Variants in AGBL4 observed in about 807,000 individuals in gnomAD.
AGBL4 encodes cytosolic carboxypeptidase 6.
Under a neutral mutation model 66.4 loss-of-function variants are expected in AGBL4, and 58 were observed. The ratio of observed to expected loss-of-function variants is 0.87; its 90% CI spans 0.71 to 1.09. The LOEUF (loss-of-function observed/expected upper bound fraction) is 1.09. Among genes scored for constraint, AGBL4 ranks in the 50% least tolerant of loss-of-function variants. The pLI, the probability that AGBL4 is intolerant of heterozygous loss-of-function variation, is 0.00. For missense variants in AGBL4, 579 were observed against 631.0 expected (o/e 0.92, Z 0.88); for synonymous variants, 234 against 222.9 (o/e 1.05, Z -0.44).
At chr1:48,858,413 A>G (rs1647235171) in intron 6 of AGBL4, among the ~76,000 whole-genome samples, 1 of 152,240 alleles carries the variant, frequency 6.6e-6, no homozygotes, top group South Asian at 2.1e-4. Flanking sequence ...AAAATCCCCA[A>G]ATGGAAACAT....
chr1:48,566,728 C>T (rs963336508), intron 11 of AGBL4, among the ~76,000 whole-genome samples: 1 of 152,234 alleles, frequency 6.6e-6, no homozygotes, highest in African/African-American at 2.4e-5. Context: ...TAAGACTGAC[C>T]TCTCTTGAGC....
intron 4 of AGBL4, among the ~76,000 whole-genome samples, chr1:49,056,053 T>C (rs1644302779): frequency 1.3e-5 from 2 of 152,182 alleles, no homozygotes; most frequent in Admixed American, 1.3e-4. Flanking sequence ...TCTGGGCTTC[T>C]AAAAGTGCTC....
chr1:48,867,937 G>T (rs866140639), intron 5 of AGBL4, among the ~76,000 whole-genome samples: 17 of 152,126 alleles, frequency 1.1e-4, no homozygotes, highest in African/African-American at 7.2e-5. Context: ...ATCTCAAAAG[G>T]CCTGTTCCCT....
chr1:49,045,645 A>G lies in AGBL4; in HGVS notation c.533T>C (p.Leu178Pro). The G allele has an allele frequency of 6.3e-7, 1 of 1,598,130 alleles. No individual in the cohort carries two copies. The highest frequency in any genetic ancestry group is 1.1e-5 in the South Asian group (1 of 88,010). The change falls in exon 5 of 14, where the codon CTT becomes CCT. Residue 178 changes from leucine (L) to proline (P), a missense_variant. By Grantham distance (98) the Leu-to-Pro change is moderately conservative. Coordinates refer to ENST00000371839, the MANE Select transcript of AGBL4 (RefSeq NM_032785.4). Reference sequence around the variant, plus strand: ...CATGTTTCTCTTTTGCAGGCTGTCAAGGTAATGTTGGAAGCGAGTGTATGT... The same window carrying G: ...CATGTTTCTCTTTTGCAGGCTGTCAGGGTAATGTTGGAAGCGAGTGTATGT... ...PYTYTRFQHY[L>P]DSLQKRNMDY...
At chr1:49,008,220 T>C (rs1310991085) in intron 5 of AGBL4, among the ~76,000 whole-genome samples, 2 of 151,782 alleles carry the variant, frequency 1.3e-5, no homozygotes, top group Non-Finnish European at 2.9e-5. Context: ...AGGCAGGGGT[T>C]GCAATCCTAG....
intron 3 of AGBL4, among the ~76,000 whole-genome samples, chr1:49,603,970 ACACACACACAC>A (rs1645017267): frequency 2.8e-5 from 4 of 143,456 alleles, no homozygotes; most frequent in Admixed American, 2.1e-4. Flanking sequence ...ACACACACAC[ACACACACACAC>A]CACATTTTAG....
intron 1 of AGBL4, among the ~76,000 whole-genome samples, chr1:50,012,165 C>CA (rs34501869): frequency 0.024 from 1,140 of 46,582 alleles, 20 homozygotes; most frequent in East Asian, 0.051. Context: ...GACTCCGTCT[C>CA]AAAAAAAAAA....
intron 1 of AGBL4, among the ~76,000 whole-genome samples, chr1:49,884,393 T>A (rs1432352845): frequency 6.6e-6 from 1 of 151,892 alleles, no homozygotes; most frequent in African/African-American, 2.4e-5. Flanking sequence ...TTATCATTAC[T>A]ATTATTAAGA....
intron 3 of AGBL4, among the ~76,000 whole-genome samples, chr1:49,593,379 C>T (rs1012350293): frequency 2.6e-5 from 4 of 152,054 alleles, no homozygotes; most frequent in Non-Finnish European, 4.4e-5. Context: ...TGCACTCCAG[C>T]CTGGGTGACA....
chr1:48,590,537 C>G (rs1644899208), intron 10 of AGBL4, among the ~76,000 whole-genome samples: 1 of 152,056 alleles, frequency 6.6e-6, no homozygotes, highest in South Asian at 2.1e-4. Context: ...GCCTGAGTGA[C>G]AGAGCGAGAT....
intron 1 of AGBL4, among the ~76,000 whole-genome samples, chr1:49,866,440 G>C (rs772107160): frequency 4.6e-5 from 7 of 152,122 alleles, no homozygotes; most frequent in Non-Finnish European, 1.0e-4. Flanking sequence ...AGCCAGAAGA[G>C]AATAAGAGCC....
chr1:49,237,773 A>G (rs1650903992), intron 4 of AGBL4, among the ~76,000 whole-genome samples: 2 of 151,984 alleles, frequency 1.3e-5, no homozygotes, highest in South Asian at 4.1e-4. Flanking sequence ...AAAGGTCTAC[A>G]GTATTTACCT....
At chr1:49,200,301 T>C (rs185629876) in intron 4 of AGBL4, among the ~76,000 whole-genome samples, 1 of 152,316 alleles carries the variant, frequency 6.6e-6, no homozygotes, top group Admixed American at 6.5e-5. Flanking sequence ...ACCTAAACTG[T>C]GTTTCTTCCT....
At chr1:49,731,008 T>A (rs962322331) in intron 2 of AGBL4, among the ~76,000 whole-genome samples, 5 of 152,212 alleles carry the variant, frequency 3.3e-5, no homozygotes, top group Admixed American at 3.3e-4. Flanking sequence ...TTCTATGGAC[T>A]ACATCAATGG....
chr1:49,141,858 T>C (rs879818200), intron 4 of AGBL4, among the ~76,000 whole-genome samples: 6 of 152,170 alleles, frequency 3.9e-5, no homozygotes, highest in Non-Finnish European at 7.3e-5. Flanking sequence ...TATAGAACAC[T>C]ACAAAGACTA....
At chr1:49,949,097 C>T (rs944494353) in intron 1 of AGBL4, among the ~76,000 whole-genome samples, 1 of 151,284 alleles carries the variant, frequency 6.6e-6, no homozygotes, top group Non-Finnish European at 1.5e-5. Flanking sequence ...GGGGAAAGGA[C>T]ACCCTATTCA....
chr1:49,489,218 C>T (rs970377127), intron 3 of AGBL4, among the ~76,000 whole-genome samples: 3 of 151,768 alleles, frequency 2.0e-5, no homozygotes, highest in Admixed American at 2.0e-4. Context: ...TGGATAAAAG[C>T]CATTTTAACT....
chr1:49,511,529 A>G (rs1246296444), intron 3 of AGBL4, among the ~76,000 whole-genome samples: 1 of 150,446 alleles, frequency 6.6e-6, no homozygotes, highest in East Asian at 2.0e-4. Flanking sequence ...TGGGTGCAGC[A>G]CACCAGCATG....
chr1:48,578,595 T>C (rs1467641760), intron 11 of AGBL4, among the ~76,000 whole-genome samples: 1 of 152,086 alleles, frequency 6.6e-6, no homozygotes, highest in Non-Finnish European at 1.5e-5. Flanking sequence ...GAAAATTTAG[T>C]GAAGGCTCTC....
Sources: allele counts gnomAD v4.1 joint callset (sites outside exome capture counted in the v4.1 genomes callset), GRCh38; gene constraint gnomAD v4.1.1; transcripts MANE v1.5; gene names NCBI Gene and HGNC (gene_info 2026-07-23, HGNC 2026-07-21).